The following TMEM233 variants were observed in gnomAD, a reference collection of about 807,000 sequenced individuals.
TMEM233 encodes the protein transmembrane protein 233.
In TMEM233, 6 loss-of-function variants were observed where a neutral mutation model predicts 11.2. That is an observed-to-expected ratio of 0.54 (90% CI 0.29 to 1.06). The LOEUF (loss-of-function observed/expected upper bound fraction) is 1.06, where lower values mean the gene tolerates loss of function less well. Among genes scored for constraint, TMEM233 ranks in the 50% least tolerant of loss-of-function variants. TMEM233 has a pLI of 0.08. For synonymous variants in TMEM233, 59 were observed against 55.8 expected, an observed-to-expected ratio of 1.06 and a Z score of -0.26; for missense variants, 127 against 144.7, an observed-to-expected ratio of 0.88 and a Z score of 0.63.
chr12:119,632,172 T>C (rs546369076), intron 2 of TMEM233, among the ~76,000 whole-genome samples: 10 of 152,320 alleles, frequency 6.6e-5, no homozygotes, highest in South Asian at 6.2e-4. Context: ...CAGGTACTGT[T>C]CTAAGCTCTT....
intron 1 of TMEM233, among the ~76,000 whole-genome samples, chr12:119,612,539 G>C (rs973609960): frequency 6.6e-6 from 1 of 152,040 alleles, no homozygotes; most frequent in African/African-American, 2.4e-5. Flanking sequence ...ACGAGGTCAG[G>C]AGATCAAGAC....
chr12:119,632,122 A>G (rs565045378), intron 2 of TMEM233, among the ~76,000 whole-genome samples: 50 of 152,326 alleles, frequency 3.3e-4, no homozygotes, highest in Non-Finnish European at 6.8e-4. Context: ...AGTGGGTTAT[A>G]ATAATAGCAG....
At chr12:119,636,716 C>A (rs1954975110) in intron 2 of TMEM233, among the ~76,000 whole-genome samples, 1 of 152,168 alleles carries the variant, frequency 6.6e-6, no homozygotes, top group Non-Finnish European at 1.5e-5. Flanking sequence ...TTGACCAGGA[C>A]AACATTTGGG....
At chr12:119,599,575 G>A (rs1954117997) in intron 1 of TMEM233, among the ~76,000 whole-genome samples, 1 of 152,204 alleles carries the variant, frequency 6.6e-6, no homozygotes, top group Non-Finnish European at 1.5e-5. Flanking sequence ...TTACGTAGTA[G>A]ATGACACTGA....
At chr12:119,639,390 G>T (rs1197378140) in intron 2 of TMEM233, among the ~76,000 whole-genome samples, 1 of 151,914 alleles carries the variant, frequency 6.6e-6, no homozygotes, top group African/African-American at 2.4e-5. Context: ...GGCTGAGGCG[G>T]GTGGATCACA....
At chr12:119,607,491 T>C (rs1178286171) in intron 1 of TMEM233, among the ~76,000 whole-genome samples, 1 of 152,186 alleles carries the variant, frequency 6.6e-6, no homozygotes, top group African/African-American at 2.4e-5. Context: ...GTTTTAATAT[T>C]TTCCAGAGTT....
At chr12:119,621,408 C>T (rs1465971487) in intron 1 of TMEM233, among the ~76,000 whole-genome samples, 1 of 152,096 alleles carries the variant, frequency 6.6e-6, no homozygotes, top group African/African-American at 2.4e-5. Context: ...GTCTTGAACT[C>T]CTGGACTCAA....
intron 1 of TMEM233, among the ~76,000 whole-genome samples, chr12:119,601,037 A>C (rs945870231): frequency 6.6e-6 from 1 of 152,236 alleles, no homozygotes; most frequent in Non-Finnish European, 1.5e-5. Context: ...ATAAAATTTG[A>C]TACTCATTCC....
intron 1 of TMEM233, among the ~76,000 whole-genome samples, chr12:119,606,454 TA>T (rs943278679): frequency 4.0e-5 from 6 of 151,838 alleles, no homozygotes; most frequent in Non-Finnish European, 5.9e-5. Flanking sequence ...AAACATGTTC[TA>T]AAAAAAAGAC....
At chr12:119,632,446 C>CT (rs1192578090) in intron 2 of TMEM233, among the ~76,000 whole-genome samples, 25 of 152,284 alleles carry the variant, frequency 1.6e-4, no homozygotes, top group African/African-American at 6.0e-4. Flanking sequence ...GTAAGTGGTA[C>CT]TTGCTTTGTG....
chr12:119,646,182 C>T (rs1039795070), downstream of TMEM233, among the ~76,000 whole-genome samples: 20 of 152,020 alleles, frequency 1.3e-4, no homozygotes, highest in African/African-American at 4.1e-4. Flanking sequence ...CTCAGCCTCC[C>T]GAGTAGCTGG....
At chr12:119,631,734 T>G in intron 2 of TMEM233, 1 of 873,748 alleles carries the variant, frequency 1.1e-6, no homozygotes, top group Non-Finnish European at 1.4e-6. Flanking sequence ...TCACCACTTA[T>G]TCACTGTGAG....
chr12:119,624,441 C>T (rs1566107937), intron 1 of TMEM233, among the ~76,000 whole-genome samples: 1 of 152,034 alleles, frequency 6.6e-6, no homozygotes, highest in Non-Finnish European at 1.5e-5. Flanking sequence ...AAACAAAATG[C>T]AGTGTATCCT....
Position 119,641,204 on chromosome 12 carries a change from T to C in TMEM233, c.*499T>C, listed in dbSNP as rs1031487440. 2 of 153,536 alleles carry C rather than the reference T, an allele frequency of 1.3e-5. No homozygotes were observed. Among genetic ancestry groups the C allele is most frequent in the African/African-American group, 4.8e-5 (2 of 41,492 alleles). The allele number at this position is 153,536 out of a possible 1,614,324, so 9.5% of individuals were successfully genotyped here. A position where few individuals can be genotyped will look rare whatever the true frequency, so the allele number is the denominator to read the frequency against. On this transcript the variant is annotated 3_prime_UTR_variant, in exon 3 of 3. Transcript: ENST00000426426. ...GTTGTGGATTTGCTTTTCCTTTTATTCTTATAACCTTCAGTAACTCCTCCT... is the reference window on the plus strand; with the variant it reads ...GTTGTGGATTTGCTTTTCCTTTTATCCTTATAACCTTCAGTAACTCCTCCT...
At position 119,595,783 on chromosome 12, in the gene TMEM233, C is replaced by A. The variant is rs112227233; in HGVS notation, c.186+1749C>A. On this transcript the variant is annotated intron_variant, in intron 1 of 2. Coordinates refer to ENST00000426426, the MANE Select transcript of TMEM233 (RefSeq NM_001136534.3). The surrounding 1 kb of genome is among the most constrained non-coding windows in gnomAD (Gnocchi z 4.3). ...TCAGGACCCCCATCCACCCACCCCG[C>A]GCAAGCTCTGTTCTTCCTTCCCTGC... Among the ~76,000 whole-genome samples, 567 of 152,340 alleles carry A rather than the reference C, an allele frequency of 3.7e-3. 5 individuals carry two copies. The Middle Eastern group carries it at 0.044, about 12-fold the overall frequency.
intron 1 of TMEM233, among the ~76,000 whole-genome samples, chr12:119,608,659 G>A (rs1380962719): frequency 6.6e-6 from 1 of 152,208 alleles, no homozygotes; most frequent in Non-Finnish European, 1.5e-5. Context: ...AGGGAATTCA[G>A]ATGAGGGGGA....
At chr12:119,607,427 T>C (rs544877783) in intron 1 of TMEM233, among the ~76,000 whole-genome samples, 1 of 152,292 alleles carries the variant, frequency 6.6e-6, no homozygotes, top group East Asian at 1.9e-4. Flanking sequence ...GGATAATATA[T>C]GCAAAGTTCT....
chr12:119,632,351 C>T (rs537319539), intron 2 of TMEM233, among the ~76,000 whole-genome samples: 2 of 152,260 alleles, frequency 1.3e-5, no homozygotes, highest in South Asian at 4.1e-4. Flanking sequence ...AGGATAGTGT[C>T]GCTCTTCAGG....
At position 119,593,799 on chromosome 12, in the gene TMEM233, C is replaced by A. The variant is rs1363865483; in HGVS notation, c.-50C>A. 1 of 1,534,044 alleles carries A rather than the reference C, an allele frequency of 6.5e-7. No homozygotes were observed. The highest frequency in any genetic ancestry group is 8.8e-7 in the Non-Finnish European group (1 of 1,135,684). Reference sequence around the variant, plus strand: ...ACAAGCCGGCGGCCAGAGCCCCAGACCACACAGACCGTGCGCTCCTCCGCC... The same window carrying A: ...ACAAGCCGGCGGCCAGAGCCCCAGAACACACAGACCGTGCGCTCCTCCGCC... On this transcript the variant is annotated 5_prime_UTR_variant, in exon 1 of 3. Transcript: ENST00000426426. This position sits in a 1 kb window ranked among gnomAD's most constrained non-coding sequence, Gnocchi z 4.1.
Sources: gnomAD v4.1 joint callset for allele counts (sites outside exome capture counted in the v4.1 genomes callset) on GRCh38, gnomAD v4.1.1 for gene constraint, Gnocchi (gnomAD v3.1) non-coding constraint, MANE v1.5 for transcripts, NCBI Gene and HGNC (gene_info 2026-07-23, HGNC 2026-07-21) for gene names.